The following TSBP1 variants were observed in gnomAD, a reference collection of about 807,000 sequenced individuals.
TSBP1 encodes testis expressed basic protein 1, also known as testis-expressed basic protein 1.
Under a neutral mutation model 68.8 loss-of-function variants are expected in TSBP1, and 56 were observed. The ratio of observed to expected loss-of-function variants is 0.81; its 90% CI spans 0.66 to 1.02. The LOEUF is 1.02. TSBP1 is among the 50% of genes least tolerant of loss of function. TSBP1 has a pLI of 0.00. For missense variants in TSBP1, 502 were observed against 641.2 expected, an observed-to-expected ratio of 0.78 and a Z score of 2.34; for synonymous variants, 171 against 208.7, an observed-to-expected ratio of 0.82 and a Z score of 1.56.
Position 32,316,052 on chromosome 6 carries a change from G to T in TSBP1, c.560-260C>A, listed in dbSNP as rs1198992716. Among the ~76,000 whole-genome samples the T allele has an allele frequency of 6.6e-6, 1 of 152,146 alleles. No individual in the cohort carries two copies. Among genetic ancestry groups the T allele is most frequent in the Non-Finnish European group, 1.5e-5 (1 of 68,016 alleles). Reference sequence around the variant, plus strand: ...TTCATTTACTGGACCCAACAGCTTTGGGTATAGTCTCGGGTAGAGACTGCC... The same window carrying T: ...TTCATTTACTGGACCCAACAGCTTTTGGTATAGTCTCGGGTAGAGACTGCC... On this transcript the variant is annotated intron_variant, in intron 18 of 22. Coordinates refer to ENST00000612031, the Ensembl canonical transcript of TSBP1. This position sits in a 1 kb window ranked among gnomAD's most constrained non-coding sequence, Gnocchi z 4.5.
chr6:32,367,828 C>A, intron 4 of TSBP1, 97 bp downstream of exon 4: 2 of 869,312 alleles, frequency 2.3e-6, no homozygotes, highest in South Asian at 1.7e-5. Flanking sequence ...GAAAGATATG[C>A]TGACTCAACA....
chr6:32,326,106 C>G, intron 16 of TSBP1: 1 of 1,418,860 alleles, frequency 7.0e-7, no homozygotes, highest in Admixed American at 1.7e-5. Flanking sequence ...AATACTTTGC[C>G]AAACCATGAA....
chr6:32,295,350 A>ACAC (rs1491234107), intron 22 of TSBP1, among the ~76,000 whole-genome samples: 6,860 of 53,832 alleles, frequency 0.13, 225 homozygotes, highest in Non-Finnish European at 0.2. Context: ...ACACACACAC[A>ACAC]AAAAAAAAAA....
chr6:32,311,880 GGAGAGA>G (rs1026225153), intron 19 of TSBP1, among the ~76,000 whole-genome samples: 6 of 152,242 alleles, frequency 3.9e-5, no homozygotes, highest in African/African-American at 1.2e-4. Flanking sequence ...AAATAAAATT[GGAGAGA>G]GACAGTAGTG....
intron 4 of TSBP1, among the ~76,000 whole-genome samples, chr6:32,367,265 A>AGAGAGAGAGAGAG (rs9281758): frequency 0.014 from 1,641 of 117,678 alleles, 38 homozygotes; most frequent in Middle Eastern, 0.016. Context: ...GAGAGAGAGA[A>AGAGAGAGAGAGAG]AGAGAGAGAG....
At chr6:32,353,644 TAATA>T (rs3038511) in intron 8 of TSBP1, among the ~76,000 whole-genome samples, 71,936 of 151,418 alleles carry the variant, frequency 0.48, 18,373 homozygotes, top group Middle Eastern at 0.59. Flanking sequence ...CTATTTTTTG[TAATA>T]AATGTTATAA....
Position 32,293,326 on chromosome 6 carries a change from A to G in TSBP1, c.1347T>C (p.Gly449=). ...CTTGGGATTCTGGTCCTTTCAGTAC[A>G]CCTGCCTCACTCTTCTTTTCTTGGA... Residue 449 remains glycine, a synonymous_variant, in exon 23 of 23, where the codon GGT becomes GGC. Transcript: ENST00000612031. 3 of 1,612,462 alleles carry G rather than the reference A, an allele frequency of 1.9e-6. No individual in the cohort carries two copies. The African/African-American group carries it at 4.0e-5, about 22-fold the overall frequency.
In TSBP1 at chr6:32,325,542, G is replaced by C; in HGVS notation, c.515-1928C>G. The C allele has an allele frequency of 2.3e-6, 2 of 851,860 alleles. No homozygotes were observed. Among genetic ancestry groups the C allele is most frequent in the Admixed American group, 3.4e-5 (2 of 58,906 alleles). The allele number at this position is 851,860 out of a possible 1,614,324, so 52.8% of individuals were successfully genotyped here. The stretch of plus-strand genomic sequence containing the variant: ...CCACTTAACTGTGAAAAAGATATAT[G>C]CTGGTGGCATTAAAGAAGACACTGA... On this transcript the variant is annotated intron_variant, in intron 16 of 22. Coordinates refer to ENST00000612031, the Ensembl canonical transcript of TSBP1. The surrounding 1 kb of genome is among the most constrained non-coding windows in gnomAD (Gnocchi z 4.4).
At chr6:32,369,787 T>A (rs962156897) in intron 2 of TSBP1, 110 bp downstream of exon 2, 5 of 801,618 alleles carry the variant, frequency 6.2e-6, no homozygotes, top group African/African-American at 3.4e-5. Context: ...CCCAGAATAT[T>A]GGCAAAGTCT....
intron 6 of TSBP1, among the ~76,000 whole-genome samples, chr6:32,359,570 C>T (rs1562182513): frequency 6.6e-6 from 1 of 152,068 alleles, no homozygotes. Flanking sequence ...GAGTAGATTG[C>T]AAAAATTTTC....
Position 32,339,614 on chromosome 6 carries a change from GTTGT to G in TSBP1, c.370_373del (p.Thr124LeufsTer12), listed in dbSNP as rs1770106862. On this transcript the variant is annotated frameshift_variant, in exon 10 of 23. Coordinates refer to ENST00000612031, the Ensembl canonical transcript of TSBP1. LOFTEE classifies it high-confidence loss of function. ...GGGAAACTTACAAGGAGGTTCTTCA[GTTGT>G]TTGTAAACATTTTATACTACCTATA... 3.1e-6 allele frequency: 4 copies of G among 1,282,382 alleles called. No homozygotes were observed. Among genetic ancestry groups the G allele is most frequent in the Non-Finnish European group, 4.5e-6 (4 of 892,082 alleles). The allele number at this position is 1,282,382 out of a possible 1,614,324, so 79.4% of individuals were successfully genotyped here. A position where few individuals can be genotyped will look rare whatever the true frequency, so the allele number is the denominator to read the frequency against.
intron 22 of TSBP1, among the ~76,000 whole-genome samples, chr6:32,296,284 T>C (rs1194783099): frequency 6.6e-6 from 1 of 152,234 alleles, no homozygotes; most frequent in Non-Finnish European, 1.5e-5. Flanking sequence ...CTGTATTAGA[T>C]AAGAAACTAA....
chr6:32,362,281 T>C, intron 6 of TSBP1, among the ~76,000 whole-genome samples: 2 of 99,596 alleles, frequency 2.0e-5, no homozygotes, highest in African/African-American at 8.2e-5. Flanking sequence ...AGAGCCAGAC[T>C]CCGTCTCAAA....
intron 8 of TSBP1, among the ~76,000 whole-genome samples, chr6:32,351,814 A>C (rs1771747980): frequency 1.3e-5 from 2 of 152,130 alleles, no homozygotes; most frequent in South Asian, 2.1e-4. Flanking sequence ...CCTCACACTC[A>C]TAAAAAGTTA....
chr6:32,326,153 G>C, intron 16 of TSBP1: 1 of 1,429,394 alleles, frequency 7.0e-7, no homozygotes, highest in East Asian at 2.3e-5. Context: ...AGCAGCAGTA[G>C]CTATGGCAGT....
intron 22 of TSBP1, 140 bp from the exon 26 acceptor site, chr6:32,294,175 G>A (rs10947251): frequency 0.06 from 53,490 of 889,552 alleles, 2,390 homozygotes; most frequent in East Asian, 0.19. Context: ...TATCTAAAAT[G>A]ATGGTTCTCT....
At chr6:32,359,590 G>GTA (rs1338365115) in intron 6 of TSBP1, among the ~76,000 whole-genome samples, 3 of 152,094 alleles carry the variant, frequency 2.0e-5, no homozygotes, top group African/African-American at 7.2e-5. Flanking sequence ...CTCCCATTCT[G>GTA]TAGTTTGCCT....
intron 22 of TSBP1, among the ~76,000 whole-genome samples, chr6:32,295,243 G>A (rs572982607): frequency 9.4e-4 from 141 of 150,742 alleles, no homozygotes; most frequent in Non-Finnish European, 1.6e-3. Context: ...GGCTGAGGCA[G>A]GAGAATCGCT....
At position 32,315,338 on chromosome 6, in the gene TSBP1, G is replaced by A. The variant is rs565767983; in HGVS notation, c.580+434C>T. 5.3e-5 allele frequency among the ~76,000 whole-genome samples: 8 copies of A among 150,008 alleles called. No individual in the cohort carries two copies. The South Asian group carries it at 1.2e-3, about 23-fold the overall frequency. On this transcript the variant is annotated intron_variant, in intron 19 of 22. Coordinates refer to ENST00000612031, the Ensembl canonical transcript of TSBP1. This position sits in a 1 kb window ranked among gnomAD's most constrained non-coding sequence, Gnocchi z 5.4. ...AGCACTTTGGGAGGCCAACGCGGGC[G>A]GATCACTTGAGGTCAGGAGTTCAAG...
Sources: allele counts gnomAD v4.1 joint callset (sites outside exome capture counted in the v4.1 genomes callset), GRCh38; gene constraint gnomAD v4.1.1; non-coding constraint Gnocchi (gnomAD v3.1); transcripts MANE v1.5; gene names NCBI Gene and HGNC (gene_info 2026-07-23, HGNC 2026-07-21).